Variants in HMG20A observed in about 807,000 individuals in gnomAD.
HMG20A encodes the protein high mobility group protein 20A.
HMG20A carries 17 observed loss-of-function variants against 43.9 expected under a neutral mutation model. The observed-to-expected ratio is 0.39, with a 90% CI of 0.27 to 0.58. The LOEUF (loss-of-function observed/expected upper bound fraction) is 0.58. Ranked by LOEUF, HMG20A falls within the 20% of genes least tolerant of loss-of-function variation. The pLI, the probability that HMG20A is intolerant of heterozygous loss-of-function variation, is 0.59. For synonymous variants in HMG20A, 132 were observed against 147.5 expected (o/e 0.89, Z 0.76); for missense variants, 341 against 438.2 (o/e 0.78, Z 1.98).
intron 2 of HMG20A, among the ~76,000 whole-genome samples, chr15:77,463,785 C>T (rs1052710318): frequency 2.0e-5 from 3 of 152,142 alleles, no homozygotes; most frequent in Non-Finnish European, 2.9e-5. Context: ...TGAAATGTAC[C>T]GTTAAGAGAT....
rs150339540 is a variant in HMG20A, at chr15:77,480,714, G to A, written c.*6+1393G>A. On this transcript the variant is annotated intron_variant, in intron 9 of 9. Transcript: ENST00000336216. ...ATGTTCAACAAATGAGCAGTAGTAT[G>A]TATCCTTTTTTTTTTTTTTTTCCAG... 5.3e-4 allele frequency among the ~76,000 whole-genome samples: 76 copies of A among 143,312 alleles called. No homozygotes were observed. In the East Asian group the frequency reaches 0.014, roughly 27 times the overall value. 94.0% of individuals were successfully genotyped at this position (143,312 alleles called of 152,430 possible).
intron 4 of HMG20A, among the ~76,000 whole-genome samples, chr15:77,469,472 A>G (rs1026339246): frequency 1.1e-4 from 17 of 151,752 alleles, no homozygotes; most frequent in African/African-American, 4.1e-4. Flanking sequence ...TTAGCCTCCT[A>G]AGTAGCACAC....
At chr15:77,518,272 G>A in the HMG20A span, among the ~76,000 whole-genome samples, 190 of 152,300 alleles carry the variant, frequency 1.2e-3, no homozygotes, top group African/African-American at 4.5e-3. Flanking sequence ...ACCTTCTAAA[G>A]GTGAGCATCT....
the HMG20A span, among the ~76,000 whole-genome samples, chr15:77,507,862 A>T: frequency 2.1e-5 from 3 of 141,432 alleles, no homozygotes; most frequent in Non-Finnish European, 4.5e-5. Context: ...AGACATGAGG[A>T]TGGAAAGCAT....
At chr15:77,515,627 G>A in the HMG20A span, among the ~76,000 whole-genome samples, 1 of 152,138 alleles carries the variant, frequency 6.6e-6, no homozygotes, top group South Asian at 2.1e-4. Context: ...TTTTTAAATG[G>A]AAGGATACAT....
chr15:77,506,665 C>T, the HMG20A span, among the ~76,000 whole-genome samples: 2 of 152,224 alleles, frequency 1.3e-5, no homozygotes, highest in Non-Finnish European at 2.9e-5. Context: ...CTCTGAGACT[C>T]CTGCCTGCCA....
chr15:77,428,747 C>CT (rs1234528443), intron 1 of HMG20A, among the ~76,000 whole-genome samples: 1 of 152,102 alleles, frequency 6.6e-6, no homozygotes, highest in Non-Finnish European at 1.5e-5. Context: ...GAAGGATCGC[C>CT]TTAGCTCAGG....
rs1448261879 is a variant in HMG20A, at chr15:77,471,829, G to A, written c.615+15G>A. The A allele has an allele frequency of 4.1e-6, 6 of 1,459,648 alleles. No homozygotes were observed. In the East Asian group the frequency reaches 9.2e-5, roughly 22 times the overall value. The allele number at this position is 1,459,648 out of a possible 1,614,324, so 90.4% of individuals were successfully genotyped here. On this transcript the variant is annotated intron_variant, in intron 6 of 9. Transcript: ENST00000336216. Reference sequence around the variant, plus strand: ...ATGATCATGAGGTAATTAGCCATCTGTCTACATATCATATATATGTATTTA... The same window carrying A: ...ATGATCATGAGGTAATTAGCCATCTATCTACATATCATATATATGTATTTA...
At chr15:77,478,145 T>C in intron 7 of HMG20A, 150 bp from the exon 8 acceptor site, 1 of 671,742 alleles carries the variant, frequency 1.5e-6, no homozygotes, top group South Asian at 1.8e-5. Flanking sequence ...TTGCTGAAAT[T>C]GCTATCTGGA....
the HMG20A span, among the ~76,000 whole-genome samples, chr15:77,515,767 C>A: frequency 6.6e-6 from 1 of 152,178 alleles, no homozygotes; most frequent in Non-Finnish European, 1.5e-5. Context: ...ATGGGGCCAC[C>A]ATTTGGGAAA....
the HMG20A span, among the ~76,000 whole-genome samples, chr15:77,509,395 T>C: frequency 6.6e-6 from 1 of 151,816 alleles, no homozygotes; most frequent in Non-Finnish European, 1.5e-5. Context: ...GCTAAGACTA[T>C]AGGTGCATAC....
At position 77,478,514 on chromosome 15, in the gene HMG20A, A is replaced by G. The variant is rs1227059415; in HGVS notation, c.907+4A>G. On this transcript the variant is annotated splice_donor_region_variant and intron_variant, in intron 8 of 9. Transcript: ENST00000336216. ...TTTGCCAGCATGCCCTTGCCTGGTA[A>G]GTCCTCCTGCCTGAGAACTGTCAGT... is the stretch of plus-strand genomic sequence containing the variant. 2.5e-6 allele frequency: 4 copies of G among 1,607,830 alleles called. No individual in the cohort carries two copies. The highest frequency in any genetic ancestry group is 3.4e-6 in the Non-Finnish European group (4 of 1,179,408).
intron 2 of HMG20A, among the ~76,000 whole-genome samples, chr15:77,459,885 G>A (rs551671828): frequency 6.6e-6 from 1 of 152,298 alleles, no homozygotes; most frequent in East Asian, 1.9e-4. Context: ...AGTTCTGCTG[G>A]TATGAGGCCC....
rs887019935 is a variant in HMG20A at position 77,477,553 on chromosome 15, A to C, written c.616-2A>C. On this transcript the variant is annotated splice_acceptor_variant, in intron 6 of 9. Coordinates refer to ENST00000336216, the MANE Select transcript of HMG20A (RefSeq NM_001304504.2). LOFTEE classifies it high-confidence loss of function. ...AACTGTTTTGTTCCTCTTGATTCAC[A>C]GAAAGAAACAGAGGTAAAGGAACGG... 4.4e-6 allele frequency: 7 copies of C among 1,602,110 alleles called. No individual in the cohort carries two copies. The Admixed American group carries it at 1.0e-4, about 23-fold the overall frequency.
the HMG20A span, among the ~76,000 whole-genome samples, chr15:77,503,015 C>A: frequency 1.3e-5 from 2 of 152,120 alleles, no homozygotes; most frequent in Non-Finnish European, 2.9e-5. Flanking sequence ...TGATGTACTC[C>A]TTTCTGAGTG....
chr15:77,472,502 C>T (rs1182598675), intron 6 of HMG20A, among the ~76,000 whole-genome samples: 3 of 152,230 alleles, frequency 2.0e-5, no homozygotes, highest in Non-Finnish European at 4.4e-5. Context: ...TCTCGATCTC[C>T]TGACCTCATG....
At chr15:77,514,087 TAC>T in the HMG20A span, among the ~76,000 whole-genome samples, 3 of 152,172 alleles carry the variant, frequency 2.0e-5, no homozygotes, top group Non-Finnish European at 4.4e-5. Context: ...TGTCTCCAAA[TAC>T]AGACACATTA....
chr15:77,444,802 T>C (rs188173088), intron 1 of HMG20A, among the ~76,000 whole-genome samples: 2 of 152,328 alleles, frequency 1.3e-5, no homozygotes, highest in African/African-American at 4.8e-5. Flanking sequence ...AATTCTGAGT[T>C]TTTCAATTTA....
intron 1 of HMG20A, among the ~76,000 whole-genome samples, chr15:77,433,181 A>G (rs1023559242): frequency 6.6e-5 from 10 of 152,008 alleles, no homozygotes; most frequent in African/African-American, 2.4e-4. Flanking sequence ...CCCTGTCTCT[A>G]CAAGAACATT....
Sources: gnomAD v4.1 joint callset for allele counts (sites outside exome capture counted in the v4.1 genomes callset) on GRCh38, gnomAD v4.1.1 for gene constraint, MANE v1.5 for transcripts, NCBI Gene and HGNC (gene_info 2026-07-23, HGNC 2026-07-21) for gene names.